NFIA: variants seen among roughly 807,000 people sequenced by gnomAD.
NFIA encodes nuclear factor 1 A-type.
NFIA carries 8 observed loss-of-function variants against 62.8 expected under a neutral mutation model. The ratio of observed to expected loss-of-function variants is 0.13; its 90% CI spans 0.07 to 0.23. The LOEUF (loss-of-function observed/expected upper bound fraction) is 0.23, where lower values mean the gene tolerates loss of function less well. Among genes scored for constraint, NFIA ranks in the 10% least tolerant of loss-of-function variants. NFIA has a pLI of 1.00. For missense variants in NFIA, 410 were observed against 642.1 expected (o/e 0.64, Z 3.91); for synonymous variants, 235 against 238.1 (o/e 0.99, Z 0.12).
intron 5 of NFIA, among the ~76,000 whole-genome samples, chr1:61,357,885 C>T (rs1663048487): frequency 6.6e-6 from 1 of 152,112 alleles, no homozygotes; most frequent in South Asian, 2.1e-4. Flanking sequence ...GTAGATTTGA[C>T]AGTTTTATCA....
At chr1:61,141,216 A>G (rs112202373) in intron 2 of NFIA, among the ~76,000 whole-genome samples, 8 of 152,130 alleles carry the variant, frequency 5.3e-5, no homozygotes, top group African/African-American at 1.7e-4. Flanking sequence ...AGAAGGAGTT[A>G]AGTCCTTCTC....
chr1:61,286,681 A>G (rs939775451), intron 3 of NFIA, among the ~76,000 whole-genome samples: 1 of 152,216 alleles, frequency 6.6e-6, no homozygotes, highest in East Asian at 1.9e-4. Flanking sequence ...TTCTTGGGGA[A>G]GGAGACAGAC....
At chr1:61,117,281 C>T (rs765233101) in intron 2 of NFIA, among the ~76,000 whole-genome samples, 3 of 152,100 alleles carry the variant, frequency 2.0e-5, no homozygotes, top group African/African-American at 4.8e-5. Flanking sequence ...GGCTACCTTC[C>T]ATTAATGTTA....
chr1:61,160,705 A>C (rs1162793829), intron 2 of NFIA, among the ~76,000 whole-genome samples: 2 of 152,224 alleles, frequency 1.3e-5, no homozygotes, highest in African/African-American at 4.8e-5. Flanking sequence ...AGTAGCCCAC[A>C]AACGCTGACT....
At chr1:61,355,741 C>T (rs1007936673) in intron 5 of NFIA, among the ~76,000 whole-genome samples, 6 of 151,444 alleles carry the variant, frequency 4.0e-5, no homozygotes, top group Non-Finnish European at 5.9e-5. Flanking sequence ...CCACCACACG[C>T]GGCTGATTTA....
intron 10 of NFIA, among the ~76,000 whole-genome samples, chr1:61,450,609 G>T (rs550156048): frequency 6.6e-6 from 1 of 152,144 alleles, no homozygotes; most frequent in Non-Finnish European, 1.5e-5. Context: ...GCACATTTCC[G>T]TTTTATGTGT....
chr1:61,148,847 T>C (rs2100517525), intron 2 of NFIA, among the ~76,000 whole-genome samples: 1 of 152,246 alleles, frequency 6.6e-6, no homozygotes, highest in South Asian at 2.1e-4. Context: ...AAAAAGAAGT[T>C]GGGAAATTGA....
chr1:61,099,560 T>A (rs933324748), intron 2 of NFIA, among the ~76,000 whole-genome samples: 8 of 152,188 alleles, frequency 5.3e-5, no homozygotes, highest in South Asian at 4.1e-4. Flanking sequence ...TTGCATTTTT[T>A]AAAAAAATTT....
chr1:61,387,885 T>C (rs887268096), intron 7 of NFIA, among the ~76,000 whole-genome samples: 1 of 152,230 alleles, frequency 6.6e-6, no homozygotes, highest in Non-Finnish European at 1.5e-5. Flanking sequence ...GTCCAAGACA[T>C]GGAAGAACCA....
At chr1:61,137,263 C>T (rs1647213503) in intron 2 of NFIA, among the ~76,000 whole-genome samples, 1 of 152,100 alleles carries the variant, frequency 6.6e-6, no homozygotes, top group African/African-American at 2.4e-5. Flanking sequence ...TATACCTTAC[C>T]ATCTCATTTA....
Position 61,406,542 on chromosome 1 carries a change from T to TGGGGGGGGGGGGGGG in NFIA, c.1255-19_1255-18insGGGGGGGGGGGGGGG. 4.3e-5 allele frequency: 54 copies of TGGGGGGGGGGGGGGG among 1,253,766 alleles called. No homozygotes were observed. Among genetic ancestry groups the TGGGGGGGGGGGGGGG allele is most frequent in the East Asian group, 1.2e-4 (4 of 32,726 alleles). 77.7% of individuals were successfully genotyped at this position (1,253,766 alleles called of 1,614,324 possible). On this transcript the variant is annotated intron_variant, in intron 8 of 10. Transcript: ENST00000403491. ...TTCTTTTTCTTGTACGTGTGTTTTC[T>TGGGGGGGGGGGGGGG]GCCCCCCCCCCCCCCACAGCCCAAT...
chr1:61,121,731 G>A (rs1156566174), intron 2 of NFIA, among the ~76,000 whole-genome samples: 4 of 152,118 alleles, frequency 2.6e-5, no homozygotes, highest in African/African-American at 9.7e-5. Context: ...TAACCTGTTA[G>A]GAACCATTTT....
At chr1:61,093,105 A>G (rs1216576465) in intron 2 of NFIA, among the ~76,000 whole-genome samples, 2 of 152,208 alleles carry the variant, frequency 1.3e-5, no homozygotes, top group East Asian at 3.8e-4. Flanking sequence ...TTTAATTTTT[A>G]GGTAACTTCC....
At chr1:61,121,690 A>G (rs1440515996) in intron 2 of NFIA, among the ~76,000 whole-genome samples, 4 of 152,118 alleles carry the variant, frequency 2.6e-5, no homozygotes, top group African/African-American at 9.7e-5. Context: ...CTTACCCTCA[A>G]TAAGTTAAAA....
rs558512245 is a variant in NFIA, at chr1:61,249,752, C to T, written c.560-27768C>T. 2.0e-5 allele frequency among the ~76,000 whole-genome samples: 3 copies of T among 152,188 alleles called. No individual in the cohort carries two copies. The East Asian group carries it at 5.8e-4, about 29-fold the overall frequency. On this transcript the variant is annotated intron_variant, in intron 2 of 10. Coordinates refer to ENST00000403491, the MANE Select transcript of NFIA (RefSeq NM_001134673.4). Reference sequence around the variant, plus strand: ...CCCGGGAGGCGGAGGTTGCAGTGAGCCAGTGAGCCAAGATCATGCCACAGC... The same window carrying T: ...CCCGGGAGGCGGAGGTTGCAGTGAGTCAGTGAGCCAAGATCATGCCACAGC...
At chr1:61,163,387 T>G (rs2100539314) in intron 2 of NFIA, among the ~76,000 whole-genome samples, 1 of 152,364 alleles carries the variant, frequency 6.6e-6, no homozygotes. Flanking sequence ...AGTTCTTTTC[T>G]TTGAGACTCA....
intron 2 of NFIA, among the ~76,000 whole-genome samples, chr1:61,128,914 T>TG (rs1647023252): frequency 1.7e-5 from 2 of 114,430 alleles, no homozygotes; most frequent in African/African-American, 3.3e-5. Context: ...TGCTTACTTA[T>TG]GTTTTTTTTT....
rs1379122958 is a variant in NFIA, at chr1:61,082,822, A to G, written c.27+4A>G. The G allele has an allele frequency of 3.9e-6, 6 of 1,540,860 alleles. No individual in the cohort carries two copies. In the East Asian group the frequency reaches 1.6e-4, roughly 40 times the overall value. ...TTCTCCGCTCTGTCTCACCCAGGTA[A>G]GCCGCGGCGTGGATGCGGAGGGCTT... is the stretch of plus-strand genomic sequence containing the variant. On this transcript the variant is annotated splice_donor_region_variant and intron_variant, in intron 1 of 10. Transcript: ENST00000403491.
chr1:61,404,305 A>G (rs768634110), intron 8 of NFIA, 23 bp downstream of exon 8: 3 of 1,578,370 alleles, frequency 1.9e-6, no homozygotes, highest in East Asian at 4.5e-5. Context: ...CTTTTTTTCC[A>G]TTTCTTTAGA....
Sources: gnomAD v4.1 joint callset for allele counts (sites outside exome capture counted in the v4.1 genomes callset) on GRCh38, gnomAD v4.1.1 for gene constraint, MANE v1.5 for transcripts, NCBI Gene and HGNC (gene_info 2026-07-23, HGNC 2026-07-21) for gene names.